Variants in BLZF1 observed in about 807,000 individuals in gnomAD.
BLZF1 encodes the protein golgin-45.
BLZF1 carries 39 observed loss-of-function variants against 43.8 expected under a neutral mutation model. That is an observed-to-expected ratio of 0.89 (90% CI 0.69 to 1.16). The LOEUF is 1.16. Among genes scored for constraint, BLZF1 ranks in the 50% most tolerant of loss-of-function variants. The pLI is 0.00. For synonymous variants in BLZF1, 136 were observed against 159.4 expected, an observed-to-expected ratio of 0.85 and a Z score of 1.11; for missense variants, 449 against 469.8, an observed-to-expected ratio of 0.96 and a Z score of 0.41.
At chr1:169,384,146 C>A in intron 6 of BLZF1, among the ~76,000 whole-genome samples, 1 of 152,042 alleles carries the variant, frequency 6.6e-6, no homozygotes, top group East Asian at 1.9e-4. Flanking sequence ...ATGAATTATA[C>A]CTACTCTATA....
intron 2 of BLZF1, among the ~76,000 whole-genome samples, chr1:169,375,478 C>A (rs1000185758): frequency 1.4e-5 from 2 of 139,106 alleles, no homozygotes; most frequent in African/African-American, 5.4e-5. Flanking sequence ...ATCAGTAGTT[C>A]ATGATTGTCC....
At chr1:169,384,766 C>T (rs1654622830) in intron 6 of BLZF1, among the ~76,000 whole-genome samples, 1 of 152,134 alleles carries the variant, frequency 6.6e-6, no homozygotes, top group Admixed American at 6.5e-5. Context: ...TGTTCCTTCT[C>T]CATCCTTCCA....
chr1:169,377,169 T>C (rs1463842032), intron 3 of BLZF1, 190 bp downstream of exon 3: 2 of 608,430 alleles, frequency 3.3e-6, no homozygotes, highest in South Asian at 2.2e-5. Flanking sequence ...TGGGAACTTA[T>C]ACTCTAAACC....
At chr1:169,381,139 T>A (rs1299305017) in intron 5 of BLZF1, among the ~76,000 whole-genome samples, 5 of 151,636 alleles carry the variant, frequency 3.3e-5, no homozygotes. Context: ...AAGAAACGTC[T>A]AACCAGTTTA....
downstream of BLZF1, among the ~76,000 whole-genome samples, chr1:169,391,925 GC>G (rs2102025586): frequency 6.6e-6 from 1 of 152,272 alleles, no homozygotes; most frequent in South Asian, 2.1e-4. Flanking sequence ...TCCTAAATGG[GC>G]CCTGTTAAGA....
chr1:169,377,644 A>G (rs746363558), intron 3 of BLZF1, among the ~76,000 whole-genome samples: 6 of 152,052 alleles, frequency 3.9e-5, no homozygotes, highest in Admixed American at 1.3e-4. Context: ...GAAAAACACA[A>G]TGAAAATAGT....
At position 169,387,400 on chromosome 1, in the gene BLZF1, T is replaced by C; in HGVS notation, c.*218T>C. The C allele has an allele frequency of 2.5e-6, 1 of 394,954 alleles. No homozygotes were observed. Among genetic ancestry groups the C allele is most frequent in the East Asian group, 4.4e-5 (1 of 22,494 alleles). The allele number at this position is 394,954 out of a possible 1,614,324, so 24.5% of individuals were successfully genotyped here. On this transcript the variant is annotated 3_prime_UTR_variant, in exon 7 of 7. Coordinates refer to ENST00000367808, the MANE Select transcript of BLZF1 (RefSeq NM_001320973.2). Reference sequence around the variant, plus strand: ...AGAAACTGTATAGATATATTTAAAATAGAGAATACTTTCCAAGCAATACAT... The same window carrying C: ...AGAAACTGTATAGATATATTTAAAACAGAGAATACTTTCCAAGCAATACAT...
At chr1:169,375,393 C>CACATAT (rs1654275469) in intron 2 of BLZF1, among the ~76,000 whole-genome samples, 1 of 85,836 alleles carries the variant, frequency 1.2e-5, no homozygotes, top group Non-Finnish European at 2.3e-5. Context: ...ATATATAAAA[C>CACATAT]ATATATATAT....
chr1:169,370,837 T>C lies in BLZF1; in HGVS notation c.28+1287T>C, dbSNP rs1042930440. On this transcript the variant is annotated intron_variant, in intron 2 of 6. Coordinates refer to ENST00000367808, the MANE Select transcript of BLZF1 (RefSeq NM_001320973.2). ...AATCTATCTATATCCCTAATCTCCT[T>C]CTTTATGATTCATACCCTTATAGAC... Among the ~76,000 whole-genome samples the C allele has an allele frequency of 8.5e-5, 13 of 152,194 alleles. No homozygotes were observed. In the East Asian group the frequency reaches 2.1e-3, roughly 25 times the overall value.
intron 6 of BLZF1, among the ~76,000 whole-genome samples, chr1:169,385,895 A>C (rs890647382): frequency 2.0e-5 from 3 of 152,212 alleles, no homozygotes; most frequent in African/African-American, 7.2e-5. Context: ...GCTTTGAACA[A>C]GCCTTATATA....
chr1:169,386,672 C>T (rs1423817307), intron 6 of BLZF1, among the ~76,000 whole-genome samples: 1 of 130,834 alleles, frequency 7.6e-6, no homozygotes, highest in Non-Finnish European at 1.7e-5. Context: ...GAGCGAGACT[C>T]CATCTCAAAA....
At chr1:169,370,211 T>A (rs1036344753) in intron 2 of BLZF1, among the ~76,000 whole-genome samples, 1 of 152,210 alleles carries the variant, frequency 6.6e-6, no homozygotes. Flanking sequence ...AGCAGTCATA[T>A]TGAAAAAAGG....
intron 2 of BLZF1, 74 bp downstream of exon 2, chr1:169,369,624 A>C: frequency 8.7e-7 from 1 of 1,154,752 alleles, no homozygotes; most frequent in South Asian, 1.3e-5. Flanking sequence ...GAGCCAGATA[A>C]CTAGATCTCA....
intron 2 of BLZF1, among the ~76,000 whole-genome samples, chr1:169,375,401 T>C (rs1391668805): frequency 2.7e-5 from 2 of 74,756 alleles, no homozygotes; most frequent in Admixed American, 1.5e-4. Flanking sequence ...AACATATATA[T>C]ATATATATAT....
chr1:169,395,812 G>A (rs1381412120), intron 7 of BLZF1: 1 of 150,450 alleles, frequency 6.6e-6, no homozygotes, highest in East Asian at 1.9e-4. Flanking sequence ...TGGTATGTAA[G>A]TGTGTATGTG....
chr1:169,380,683 TG>T, intron 5 of BLZF1, 74 bp downstream of exon 5: 1 of 1,556,852 alleles, frequency 6.4e-7, no homozygotes, highest in East Asian at 2.3e-5. Context: ...TTGGTTTTTT[TG>T]TTTGTTTGTT....
At chr1:169,376,426 T>G in intron 2 of BLZF1, 114 bp from the exon 3 acceptor site, 1 of 879,848 alleles carries the variant, frequency 1.1e-6, no homozygotes, top group East Asian at 2.9e-5. Flanking sequence ...CTCTGATTTT[T>G]TTTTTGCATT....
chr1:169,390,135 A>G (rs1377901825), downstream of BLZF1, among the ~76,000 whole-genome samples: 1 of 152,200 alleles, frequency 6.6e-6, no homozygotes, highest in Non-Finnish European at 1.5e-5. Context: ...AAAAAAAATT[A>G]TATACACTTT....
At chr1:169,375,020 C>T (rs970169668) in intron 2 of BLZF1, among the ~76,000 whole-genome samples, 3 of 151,900 alleles carry the variant, frequency 2.0e-5, no homozygotes, top group African/African-American at 2.4e-5. Context: ...GAAGGCATTT[C>T]GGCCGTACAG....
Sources: allele counts gnomAD v4.1 joint callset (sites outside exome capture counted in the v4.1 genomes callset), GRCh38; gene constraint gnomAD v4.1.1; transcripts MANE v1.5; gene names NCBI Gene and HGNC (gene_info 2026-07-23, HGNC 2026-07-21).